Variants in TENM1 observed in about 807,000 individuals in gnomAD.
TENM1 encodes the protein teneurin transmembrane protein 1, also known as teneurin-1.
TENM1 carries 35 observed loss-of-function variants against 174.8 expected under a neutral mutation model. The ratio of observed to expected loss-of-function variants is 0.20; its 90% CI spans 0.15 to 0.27. TENM1 has a LOEUF of 0.27. Among genes scored for constraint, TENM1 ranks in the 10% least tolerant of loss-of-function variants. The pLI, the probability that TENM1 is intolerant of heterozygous loss-of-function variation, is 1.00. For missense variants in TENM1, 1,633 were observed against 2,130.1 expected (o/e 0.77, Z 4.59); for synonymous variants, 781 against 798.7 (o/e 0.98, Z 0.37).
the TENM1 span, among the ~76,000 whole-genome samples, chrX:125,004,976 G>A: frequency 9.0e-6 from 1 of 110,826 alleles, no homozygotes; most frequent in African/African-American, 3.3e-5. Flanking sequence ...GTTAGTGACA[G>A]AACAGAAACC....
At chrX:125,050,244 T>TGC in the TENM1 span, among the ~76,000 whole-genome samples, 1 of 109,605 alleles carries the variant, frequency 9.1e-6, no homozygotes, top group African/African-American at 3.3e-5. Flanking sequence ...ATGTGCCACA[T>TGC]TGGTGTGCTG....
chrX:124,537,901 G>A (rs1279944187), intron 15 of TENM1, among the ~76,000 whole-genome samples: 1 of 111,995 alleles, frequency 8.9e-6, no homozygotes, highest in East Asian at 2.8e-4. Context: ...TAAGTTGTAG[G>A]TAGCTACTGG....
intron 23 of TENM1, among the ~76,000 whole-genome samples, chrX:124,424,873 A>G (rs2060693733): frequency 1.8e-5 from 2 of 110,695 alleles, no homozygotes; most frequent in Non-Finnish European, 3.8e-5. Flanking sequence ...CACCTTGGCT[A>G]TGACTGTAAG....
chrX:124,636,683 A>G (rs1165119443), intron 11 of TENM1, among the ~76,000 whole-genome samples: 3 of 112,287 alleles, frequency 2.7e-5, no homozygotes, highest in African/African-American at 9.7e-5. Context: ...GCTAGACATT[A>G]CATAAAATCA....
At chrX:124,642,018 G>A in intron 10 of TENM1, 27 bp from the exon 14 acceptor site, 1 of 1,131,196 alleles carries the variant, frequency 8.8e-7, no homozygotes, top group Non-Finnish European at 1.2e-6. Flanking sequence ...GTGGGGGGGA[G>A]GGGTGATTAA....
intron 3 of TENM1, among the ~76,000 whole-genome samples, chrX:124,772,195 G>A (rs1417609480): frequency 7.2e-5 from 8 of 110,604 alleles, no homozygotes; most frequent in Non-Finnish European, 1.5e-4. Flanking sequence ...GAGTGCAGTG[G>A]CACCATCTCA....
At chrX:125,025,648 C>G in the TENM1 span, among the ~76,000 whole-genome samples, 2 of 110,589 alleles carry the variant, frequency 1.8e-5, no homozygotes, top group Admixed American at 1.9e-4. Flanking sequence ...GTTGGGCCTT[C>G]TGAAAAAAGG....
the TENM1 span, among the ~76,000 whole-genome samples, chrX:125,161,131 T>C: frequency 9.3e-6 from 1 of 107,951 alleles, no homozygotes; most frequent in Non-Finnish European, 1.9e-5. Context: ...TGGAATATTA[T>C]ATATGGTTAT....
At chrX:124,801,954 C>A (rs1427056871) in intron 3 of TENM1, among the ~76,000 whole-genome samples, 3 of 111,838 alleles carry the variant, frequency 2.7e-5, no homozygotes, top group African/African-American at 6.5e-5. Flanking sequence ...CTGAGAGGTT[C>A]ATTGTTAGTC....
chrX:124,924,243 A>C (rs1215842968), intron 1 of TENM1, among the ~76,000 whole-genome samples: 1 of 111,800 alleles, frequency 8.9e-6, no homozygotes, highest in Non-Finnish European at 1.9e-5. Context: ...AATACATTTC[A>C]ATCTAAACTA....
chrX:124,828,076 A>G (rs2056207788), intron 3 of TENM1, among the ~76,000 whole-genome samples: 1 of 111,879 alleles, frequency 8.9e-6, no homozygotes, highest in South Asian at 3.7e-4. Flanking sequence ...GTCATGGCCA[A>G]TTTAAGAGTA....
chrX:124,752,274 G>T (rs1317218744), intron 3 of TENM1, among the ~76,000 whole-genome samples: 1 of 111,937 alleles, frequency 8.9e-6, no homozygotes, highest in African/African-American at 3.3e-5. Flanking sequence ...GTGTCTTTTG[G>T]CTGCATAAAT....
intron 11 of TENM1, among the ~76,000 whole-genome samples, chrX:124,571,227 C>G (rs2049047748): frequency 1.8e-5 from 2 of 111,699 alleles, no homozygotes; most frequent in African/African-American, 6.5e-5. Flanking sequence ...GAAAGGTGTT[C>G]TTTAAAAACA....
intron 22 of TENM1, among the ~76,000 whole-genome samples, chrX:124,462,278 T>C (rs1603276120): frequency 9.1e-6 from 1 of 110,431 alleles, no homozygotes. Context: ...GCCTAAGGCA[T>C]TGAGGAATCA....
intron 11 of TENM1, among the ~76,000 whole-genome samples, chrX:124,629,149 C>T (rs1402386020): frequency 8.9e-6 from 1 of 112,365 alleles, no homozygotes; most frequent in Non-Finnish European, 1.9e-5. Context: ...CTTCCAATCA[C>T]TGAACTATAA....
At chrX:124,450,359 CAAAAA>C (rs34309778) in intron 23 of TENM1, among the ~76,000 whole-genome samples, 1 of 77,334 alleles carries the variant, frequency 1.3e-5, no homozygotes. Context: ...GACTCCGTCT[CAAAAA>C]AAAAAAAAAA....
chrX:124,523,092 GCA>G lies in TENM1; in HGVS notation c.3033+270_3033+271del, dbSNP rs2047890880. Reference sequence around the variant, plus strand: ...TAAGCCAGCTAGCTTTGTTCTTAGAGCACAGTGTTTATTAGGTCAAAGATTGG... The same window carrying G: ...TAAGCCAGCTAGCTTTGTTCTTAGAGCAGTGTTTATTAGGTCAAAGATTGG... On this transcript the variant is annotated intron_variant, in intron 17 of 31. Coordinates refer to ENST00000422452, the Ensembl canonical transcript of TENM1. Among the ~76,000 whole-genome samples, 4 of 112,286 alleles carry G rather than the reference GCA, an allele frequency of 3.6e-5. No individual in the cohort carries two copies. In the South Asian group the frequency reaches 1.5e-3, roughly 41 times the overall value.
At chrX:125,202,555 C>T in the TENM1 span, among the ~76,000 whole-genome samples, 2 of 111,718 alleles carry the variant, frequency 1.8e-5, no homozygotes, top group Non-Finnish European at 3.8e-5. Context: ...AGATGTAGAG[C>T]TTTTCTACCC....
chrX:124,540,670 C>T (rs1014848409), intron 15 of TENM1, among the ~76,000 whole-genome samples: 1 of 111,711 alleles, frequency 9.0e-6, no homozygotes, highest in African/African-American at 3.3e-5. Flanking sequence ...CATGACTAAT[C>T]GGGAACAAGA....
Sources: allele counts gnomAD v4.1 joint callset (sites outside exome capture counted in the v4.1 genomes callset), GRCh38; gene constraint gnomAD v4.1.1; transcripts MANE v1.5; gene names NCBI Gene and HGNC (gene_info 2026-07-23, HGNC 2026-07-21).